The following KLF16 variants were observed in gnomAD, a reference collection of about 807,000 sequenced individuals.
The protein encoded by KLF16 is KLF transcription factor 16, also known as Krueppel-like factor 16.
A neutral mutation model predicts 6.1 loss-of-function variants in KLF16; 6 were observed. The ratio of observed to expected loss-of-function variants is 0.98; its 90% CI spans 0.54 to 1.93. The LOEUF is 1.93. KLF16 is among the 30% of genes most tolerant of loss of function. The pLI is 0.01. For synonymous variants in KLF16, 211 were observed against 176.5 expected (o/e 1.20, Z -1.55); for missense variants, 355 against 363.8 (o/e 0.98, Z 0.20).
Position 1,854,218 on chromosome 19 carries a change from GAAGA to G in KLF16, c.*237_*240del. ...TGGGGGGGCCCCGTTGCACAGATGG[GAAGA>G]AAGTTAGTATCATGGCTATTTACAG... On this transcript the variant is annotated 3_prime_UTR_variant, in exon 2 of 2. Coordinates refer to ENST00000250916, the MANE Select transcript of KLF16 (RefSeq NM_031918.4). The G allele has an allele frequency of 2.2e-6, 1 of 458,448 alleles. No individual in the cohort carries two copies. Among genetic ancestry groups the G allele is most frequent in the Non-Finnish European group, 3.7e-6 (1 of 273,250 alleles). The allele number at this position is 458,448 out of a possible 1,614,324, so 28.4% of individuals were successfully genotyped here.
At chr19:1,870,929 G>C in the KLF16 span, among the ~76,000 whole-genome samples, 3 of 152,342 alleles carry the variant, frequency 2.0e-5, no homozygotes, top group East Asian at 5.8e-4. Flanking sequence ...CCAGGAGGTG[G>C]AGATTGCTGT....
At chr19:1,859,116 A>C (rs2012011976) in intron 1 of KLF16, among the ~76,000 whole-genome samples, 3 of 136,542 alleles carry the variant, frequency 2.2e-5, no homozygotes, top group Non-Finnish European at 3.1e-5. Flanking sequence ...CCCCACTCCG[A>C]CCCTCCCCAG....
the KLF16 span, among the ~76,000 whole-genome samples, chr19:1,870,441 G>A: frequency 1.3e-5 from 2 of 152,030 alleles, no homozygotes; most frequent in African/African-American, 4.8e-5. Flanking sequence ...GAAGGCCAAG[G>A]CGGGAGAATC....
At chr19:1,873,075 G>A in the KLF16 span, among the ~76,000 whole-genome samples, 1 of 152,162 alleles carries the variant, frequency 6.6e-6, no homozygotes, top group African/African-American at 2.4e-5. Flanking sequence ...AGGCCAAGAG[G>A]ACAGAATCAC....
chr19:1,856,950 C>CGGGGGGGGGGGGGGGGGGGGGG (rs946961126), intron 1 of KLF16, among the ~76,000 whole-genome samples: 2 of 43,268 alleles, frequency 4.6e-5, no homozygotes, highest in Admixed American at 5.2e-4. Flanking sequence ...AGCAGGTTGC[C>CGGGGGGGGGGGGGGGGGGGGGG]GGGGTGGGGG....
In KLF16 at chr19:1,852,944, C is replaced by T. The variant is rs1261949421; in HGVS notation, c.*1515G>A. On this transcript the variant is annotated 3_prime_UTR_variant, in exon 2 of 2. Transcript: ENST00000250916. Reference sequence around the variant, plus strand: ...TGCACACCAGTGCCATCCAAAGCCCCCCTGTCCCCAAGCGAGAGGCAGGAC... The same window carrying T: ...TGCACACCAGTGCCATCCAAAGCCCTCCTGTCCCCAAGCGAGAGGCAGGAC... The T allele has an allele frequency of 1.3e-5, 2 of 152,226 alleles. No homozygotes were observed. The highest frequency in any genetic ancestry group is 3.9e-4 in the East Asian group (2 of 5,188). The allele number at this position is 152,226 out of a possible 1,614,324, so 9.4% of individuals were successfully genotyped here. A position where few individuals can be genotyped will look rare whatever the true frequency, so the allele number is the denominator to read the frequency against.
At chr19:1,874,919 T>C in the KLF16 span, 4 of 152,200 alleles carry the variant, frequency 2.6e-5, no homozygotes, top group African/African-American at 9.7e-5. Context: ...ATAAACATAT[T>C]TTCCAATCTC....
At chr19:1,858,726 G>A (rs1009028311) in intron 1 of KLF16, among the ~76,000 whole-genome samples, 3 of 151,998 alleles carry the variant, frequency 2.0e-5, no homozygotes, top group African/African-American at 7.3e-5. Flanking sequence ...GCCCACCTGA[G>A]GCCCAACCCA....
At position 1,863,204 on chromosome 19, in the gene KLF16, G is replaced by A; in HGVS notation, c.294C>T (p.Ala98=). The A allele has an allele frequency of 1.7e-6, 2 of 1,149,562 alleles. No homozygotes were observed. Among genetic ancestry groups the A allele is most frequent in the African/African-American group, 1.7e-5 (1 of 59,390 alleles). The allele number at this position is 1,149,562 out of a possible 1,614,324, so 71.2% of individuals were successfully genotyped here. A position where few individuals can be genotyped will look rare whatever the true frequency, so the allele number is the denominator to read the frequency against. ...RGGPGAAPGG[A]SPASSSSAAS... is the part of the protein sequence containing the mutation. ...CGGCTGAGGAGGAGGAGGCGGGCGAGGCGCCCCCCGGGGCGGCTCCGGGTC... is the reference window on the plus strand; with the variant it reads ...CGGCTGAGGAGGAGGAGGCGGGCGAAGCGCCCCCCGGGGCGGCTCCGGGTC... Residue 98 remains alanine, a synonymous_variant, in exon 1 of 2, where the codon GCC becomes GCT. Coordinates refer to ENST00000250916, the MANE Select transcript of KLF16 (RefSeq NM_031918.4).
At position 1,857,263 on chromosome 19, in the gene KLF16, C is replaced by G. The variant is rs961491237; in HGVS notation, c.458-2503G>C. On this transcript the variant is annotated intron_variant, in intron 1 of 1. Transcript: ENST00000250916. This position sits in a 1 kb window ranked among gnomAD's most constrained non-coding sequence, Gnocchi z 4.7. ...GAAATGCCAGGCCCTGCCTCGCACA[C>G]AATCCACTCGCAGGGAGGAGGGTGG... 1.3e-5 allele frequency among the ~76,000 whole-genome samples: 2 copies of G among 152,230 alleles called. No homozygotes were observed. Among genetic ancestry groups the G allele is most frequent in the African/African-American group, 4.8e-5 (2 of 41,462 alleles).
chr19:1,874,753 A>AAAAAAAC, the KLF16 span: 1 of 134,124 alleles, frequency 7.5e-6, no homozygotes, highest in African/African-American at 3.4e-5. Context: ...TCCCAAAAAA[A>AAAAAAAC]AAAAAAAAAA....
chr19:1,855,524 C>A (rs928733265), intron 1 of KLF16, among the ~76,000 whole-genome samples: 5 of 152,196 alleles, frequency 3.3e-5, no homozygotes, highest in African/African-American at 9.6e-5. Flanking sequence ...CACCACCCGG[C>A]CACTTCCTCC....
intron 1 of KLF16, chr19:1,861,768 G>C (rs749858206): frequency 2.6e-5 from 4 of 151,802 alleles, no homozygotes; most frequent in Non-Finnish European, 5.9e-5. Context: ...TCCACCCTCA[G>C]GCGTCCCAGC....
At chr19:1,858,436 C>T (rs969379290) in intron 1 of KLF16, among the ~76,000 whole-genome samples, 6 of 152,282 alleles carry the variant, frequency 3.9e-5, no homozygotes, top group South Asian at 4.1e-4. Context: ...CTTCCAAAAA[C>T]GCATGCATCT....
chr19:1,858,896 C>T (rs2012007090), intron 1 of KLF16, among the ~76,000 whole-genome samples: 1 of 152,072 alleles, frequency 6.6e-6, no homozygotes, highest in African/African-American at 2.4e-5. Flanking sequence ...CATGTGCCTC[C>T]TCCCCACCGA....
Position 1,857,111 on chromosome 19 carries a change from T to C in KLF16, c.458-2351A>G, listed in dbSNP as rs1371388937. Among the ~76,000 whole-genome samples, 1 of 151,818 alleles carries C rather than the reference T, an allele frequency of 6.6e-6. No individual in the cohort carries two copies. The highest frequency in any genetic ancestry group is 2.4e-5 in the African/African-American group (1 of 41,220). ...AGGGGGCCCGGGCCAGGGTCGCCTC[T>C]CCGGCCTGGGTGCCTGCCAGCCCCG... On this transcript the variant is annotated intron_variant, in intron 1 of 1. Transcript: ENST00000250916. The surrounding 1 kb of genome is among the most constrained non-coding windows in gnomAD (Gnocchi z 4.7).
In KLF16 at chr19:1,863,404, G is replaced by A; in HGVS notation, c.94C>T (p.Pro32Ser). Reference sequence around the variant, plus strand: ...CCGGCGGCGGGGCCCGCGCCCTCGGGGCCGGGCCGCCCGCGGTGCACCACG... The same window carrying A: ...CCGGCGGCGGGGCCCGCGCCCTCGGAGCCGGGCCGCCCGCGGTGCACCACG... ...GAVVHRGRPG[P>S]EGAGPAAGLD... Residue 32 changes from proline to serine, a missense_variant, in exon 1 of 2, where the codon CCC becomes TCC. Physicochemically the swap from Pro to Ser is moderately conservative, Grantham distance 74 (BLOSUM62 -1). Coordinates refer to ENST00000250916, the MANE Select transcript of KLF16 (RefSeq NM_031918.4). 1 of 995,636 alleles carries A rather than the reference G, an allele frequency of 1.0e-6. No individual in the cohort carries two copies. Among genetic ancestry groups the A allele is most frequent in the Non-Finnish European group, 1.2e-6 (1 of 838,542 alleles). The allele number at this position is 995,636 out of a possible 1,614,324, so 61.7% of individuals were successfully genotyped here.
upstream of KLF16, among the ~76,000 whole-genome samples, chr19:1,867,970 G>A (rs1223106050): frequency 2.0e-5 from 3 of 151,852 alleles, no homozygotes; most frequent in East Asian, 3.9e-4. Context: ...GTGCGTGCGC[G>A]CATGCACTGG....
At position 1,853,515 on chromosome 19, in the gene KLF16, G is replaced by C. The variant is rs2011879834; in HGVS notation, c.*944C>G. The stretch of plus-strand genomic sequence containing the variant: ...CACGGCCCCACCTGCAGGCCAGGGA[G>C]GGCAGCGCAGCCCAACAGCCGCAGT... On this transcript the variant is annotated 3_prime_UTR_variant, in exon 2 of 2. Transcript: ENST00000250916. The C allele has an allele frequency of 6.5e-6, 1 of 152,690 alleles. No homozygotes were observed. The highest frequency in any genetic ancestry group is 2.4e-5 in the African/African-American group (1 of 41,448). The allele number at this position is 152,690 out of a possible 1,614,324, so 9.5% of individuals were successfully genotyped here. A position where few individuals can be genotyped will look rare whatever the true frequency, so the allele number is the denominator to read the frequency against.
Sources: gnomAD v4.1 joint callset for allele counts (sites outside exome capture counted in the v4.1 genomes callset) on GRCh38, gnomAD v4.1.1 for gene constraint, Gnocchi (gnomAD v3.1) non-coding constraint, MANE v1.5 for transcripts, NCBI Gene and HGNC (gene_info 2026-07-23, HGNC 2026-07-21) for gene names.